NEDD4: variants seen among roughly 807,000 people sequenced by gnomAD.
The protein encoded by NEDD4 is E3 ubiquitin-protein ligase NEDD4.
NEDD4 carries 99 observed loss-of-function variants against 144.9 expected under a neutral mutation model. The ratio of observed to expected loss-of-function variants is 0.68; its 90% CI spans 0.58 to 0.81. The LOEUF is 0.81. NEDD4 is among the 30% of genes least tolerant of loss of function. The pLI, the probability that NEDD4 is intolerant of heterozygous loss-of-function variation, is 0.00. For synonymous variants in NEDD4, 318 were observed against 350.6 expected (o/e 0.91, Z 1.04); for missense variants, 985 against 1,065.9 (o/e 0.92, Z 1.06).
chr15:55,950,255 A>T (rs2037214076), intron 4 of NEDD4, among the ~76,000 whole-genome samples: 1 of 152,184 alleles, frequency 6.6e-6, no homozygotes, highest in Non-Finnish European at 1.5e-5. Flanking sequence ...TTTATGTCAT[A>T]CTACATAGAG....
At chr15:55,984,487 T>G (rs565654057) in intron 1 of NEDD4, among the ~76,000 whole-genome samples, 1 of 152,162 alleles carries the variant, frequency 6.6e-6, no homozygotes, top group Non-Finnish European at 1.5e-5. Flanking sequence ...TTAAAGGCAG[T>G]TGCTATTTAT....
At chr15:55,973,967 T>A (rs571350248) in intron 1 of NEDD4, among the ~76,000 whole-genome samples, 4 of 151,952 alleles carry the variant, frequency 2.6e-5, no homozygotes, top group African/African-American at 9.6e-5. Flanking sequence ...CAGAATATAA[T>A]ACAAAGAATC....
chr15:55,947,619 T>G (rs957889579), intron 4 of NEDD4, among the ~76,000 whole-genome samples: 1 of 152,220 alleles, frequency 6.6e-6, no homozygotes, highest in African/African-American at 2.4e-5. Flanking sequence ...CAAGTGGGCT[T>G]CATCCCTGGG....
chr15:55,917,123 A>T, intron 5 of NEDD4: 1 of 1,146,658 alleles, frequency 8.7e-7, no homozygotes, highest in Non-Finnish European at 1.1e-6. Flanking sequence ...AGCTGAGCTC[A>T]GCTGCAGCAC....
At chr15:55,857,677 C>T (rs1427019587) in intron 11 of NEDD4, among the ~76,000 whole-genome samples, 2 of 152,116 alleles carry the variant, frequency 1.3e-5, no homozygotes, top group Non-Finnish European at 2.9e-5. Flanking sequence ...CATAACCATA[C>T]AGTGCTTTAA....
At chr15:55,915,557 G>C (rs775933925) in intron 5 of NEDD4, 3 of 1,613,964 alleles carry the variant, frequency 1.9e-6, no homozygotes, top group Non-Finnish European at 2.5e-6. Context: ...CATTTTGGGA[G>C]GATGGCAAAC....
chr15:55,849,984 G>T (rs905918160), intron 14 of NEDD4, among the ~76,000 whole-genome samples: 1 of 151,784 alleles, frequency 6.6e-6, no homozygotes. Flanking sequence ...TAGTAGAAAC[G>T]GGGTTTCACC....
At chr15:55,881,543 T>C (rs1407174896) in intron 5 of NEDD4, among the ~76,000 whole-genome samples, 1 of 152,154 alleles carries the variant, frequency 6.6e-6, no homozygotes, top group African/African-American at 2.4e-5. Flanking sequence ...TAACAAAAAA[T>C]AGTAAAATCT....
At chr15:55,854,406 T>A (rs895557398) in intron 12 of NEDD4, among the ~76,000 whole-genome samples, 1 of 152,130 alleles carries the variant, frequency 6.6e-6, no homozygotes. Context: ...AGCTGGTGAA[T>A]AGATAAATGT....
rs67958165 is a variant in NEDD4, at chr15:55,881,143, C to CT, written c.292-7136dup. 3.7e-3 allele frequency among the ~76,000 whole-genome samples: 506 copies of CT among 137,894 alleles called. 4 individuals are homozygous for CT. The highest frequency in any genetic ancestry group is 4.2e-3 in the South Asian group (18 of 4,286). 90.5% of individuals were successfully genotyped at this position (137,894 alleles called of 152,430 possible). A position where few individuals can be genotyped will look rare whatever the true frequency, so the allele number is the denominator to read the frequency against. On this transcript the variant is annotated intron_variant, in intron 5 of 28. Transcript: ENST00000435532. Reference sequence around the variant, plus strand: ...TATTGCAGTAAGTTTCTTTTCTTTTCTTTTTTTTTTTTTTTGAGATGCAGT... The same window carrying CT: ...TATTGCAGTAAGTTTCTTTTCTTTTCTTTTTTTTTTTTTTTTGAGATGCAGT...
chr15:55,940,233 A>G (rs1274889440), intron 4 of NEDD4, among the ~76,000 whole-genome samples: 5 of 152,132 alleles, frequency 3.3e-5, no homozygotes, highest in South Asian at 4.1e-4. Context: ...AAGAGGGTAC[A>G]TATCAAGTGT....
intron 1 of NEDD4, chr15:55,987,876 C>A (rs2037919000): frequency 2.3e-5 from 2 of 85,726 alleles, no homozygotes; most frequent in South Asian, 5.6e-4. Context: ...GTTACTGTAG[C>A]CTTGTAGTAT....
chr15:55,940,071 C>T (rs2036968191), intron 4 of NEDD4, among the ~76,000 whole-genome samples: 2 of 152,130 alleles, frequency 1.3e-5, no homozygotes, highest in African/African-American at 4.8e-5. Context: ...AATGGATGAA[C>T]CTTGAGGACA....
chr15:55,912,125 C>T (rs2036295363), intron 5 of NEDD4, among the ~76,000 whole-genome samples: 1 of 152,164 alleles, frequency 6.6e-6, no homozygotes, highest in Non-Finnish European at 1.5e-5. Flanking sequence ...AACATTGTGG[C>T]ATCACATTTT....
At chr15:55,915,613 T>G (rs62043855) in intron 5 of NEDD4, 216,072 of 1,613,546 alleles carry the variant, frequency 0.13, 15,940 homozygotes, top group East Asian at 0.34. Context: ...GAATCAGAAT[T>G]AAGCTTAATT....
intron 2 of NEDD4, among the ~76,000 whole-genome samples, chr15:55,959,258 T>C (rs2037387782): frequency 6.6e-6 from 1 of 152,196 alleles, no homozygotes; most frequent in Non-Finnish European, 1.5e-5. Flanking sequence ...TTCTTTGACA[T>C]ATAGATTATT....
At position 55,993,502 on chromosome 15, in the gene NEDD4, TC is replaced by T; in HGVS notation, c.45+8del. On this transcript the variant is annotated splice_region_variant and intron_variant, in intron 1 of 28. Transcript: ENST00000435532. ...GGAAGCCCGCCCCGCAGCCCCGCGGTCCCCGCACCTCGTCCTCCAGGAGCCC... is the reference window on the plus strand; with the variant it reads ...GGAAGCCCGCCCCGCAGCCCCGCGGTCCCGCACCTCGTCCTCCAGGAGCCC... 2 of 1,595,494 alleles carry T rather than the reference TC, an allele frequency of 1.3e-6. No homozygotes were observed. Among genetic ancestry groups the T allele is most frequent in the Non-Finnish European group, 8.5e-7 (1 of 1,173,400 alleles).
intron 2 of NEDD4, among the ~76,000 whole-genome samples, chr15:55,954,116 T>C (rs1421862279): frequency 5.3e-5 from 8 of 152,224 alleles, no homozygotes. Context: ...TGTTGTAAAG[T>C]CATCAGTCTT....
chr15:55,845,637 A>G (rs2033708275), intron 18 of NEDD4, among the ~76,000 whole-genome samples: 1 of 152,088 alleles, frequency 6.6e-6, no homozygotes, highest in Non-Finnish European at 1.5e-5. Context: ...AGAGTGGCAA[A>G]TGGAGAAGCT....
Sources: allele counts gnomAD v4.1 joint callset (sites outside exome capture counted in the v4.1 genomes callset), GRCh38; gene constraint gnomAD v4.1.1; transcripts MANE v1.5; gene names NCBI Gene and HGNC (gene_info 2026-07-23, HGNC 2026-07-21).